Variants in PCDH15 observed in about 807,000 individuals in gnomAD.
PCDH15 encodes protocadherin-15.
In PCDH15, 129 loss-of-function variants were observed where a neutral mutation model predicts 178.5. The observed-to-expected ratio is 0.72, with a 90% confidence interval of 0.63 to 0.84. The LOEUF (loss-of-function observed/expected upper bound fraction) is 0.84, where lower values mean the gene tolerates loss of function less well. PCDH15 is among the 40% of genes least tolerant of loss of function. The pLI is 0.00. For synonymous variants in PCDH15, 800 were observed against 732.0 expected (o/e 1.09, Z -1.50); for missense variants, 2,230 against 2,099.9 (o/e 1.06, Z -1.21).
intron 3 of PCDH15, among the ~76,000 whole-genome samples, chr10:54,492,188 T>A (rs1047551476): frequency 7.9e-5 from 12 of 152,138 alleles, no homozygotes; most frequent in Admixed American, 6.6e-4. Flanking sequence ...GCTCCCTGAA[T>A]AAAAGAGGCA....
intron 3 of PCDH15, among the ~76,000 whole-genome samples, chr10:54,883,634 C>G (rs1040283250): frequency 6.6e-6 from 1 of 151,772 alleles, no homozygotes; most frequent in Non-Finnish European, 1.5e-5. Flanking sequence ...GTAATGTATA[C>G]CATATAGATT....
intron 3 of PCDH15, among the ~76,000 whole-genome samples, chr10:54,812,195 C>A (rs1388132198): frequency 6.6e-6 from 1 of 151,658 alleles, no homozygotes; most frequent in Non-Finnish European, 1.5e-5. Context: ...TCTCCCAATA[C>A]CAGCTTAAAA....
intron 1 of PCDH15, among the ~76,000 whole-genome samples, chr10:55,188,509 G>C (rs929685074): frequency 3.3e-5 from 5 of 151,652 alleles, no homozygotes; most frequent in Non-Finnish European, 7.4e-5. Flanking sequence ...AATATGTTTT[G>C]TCATTTAACA....
At chr10:55,295,453 A>T (rs1215418102) in intron 1 of PCDH15, among the ~76,000 whole-genome samples, 1 of 152,222 alleles carries the variant, frequency 6.6e-6, no homozygotes. Flanking sequence ...GATTAATAAG[A>T]ATTATTTAAG....
intron 2 of PCDH15, among the ~76,000 whole-genome samples, chr10:55,031,598 CCCTT>C (rs1474832819): frequency 6.6e-6 from 1 of 152,096 alleles, no homozygotes; most frequent in East Asian, 1.9e-4. Flanking sequence ...TTGAATATGT[CCCTT>C]CTAGAATTCA....
chr10:55,204,083 T>C (rs923374229), intron 1 of PCDH15, among the ~76,000 whole-genome samples: 7 of 149,806 alleles, frequency 4.7e-5, no homozygotes, highest in African/African-American at 7.3e-5. Flanking sequence ...ACATTATATA[T>C]AGTGCATTTA....
chr10:54,649,149 G>T (rs566764720), intron 2 of PCDH15, among the ~76,000 whole-genome samples: 15 of 152,218 alleles, frequency 9.9e-5, no homozygotes, highest in Admixed American at 8.5e-4. Flanking sequence ...ATCCACTAGC[G>T]TTATAAACAA....
intron 5 of PCDH15, among the ~76,000 whole-genome samples, chr10:54,352,571 A>C (rs1288435149): frequency 6.6e-6 from 1 of 152,180 alleles, no homozygotes. Flanking sequence ...TTATCATATA[A>C]TGATGATTTG....
chr10:54,611,638 G>C (rs767243727), intron 2 of PCDH15, among the ~76,000 whole-genome samples: 122 of 151,908 alleles, frequency 8.0e-4, no homozygotes, highest in Non-Finnish European at 1.1e-3. Flanking sequence ...CATATCTAGA[G>C]AGACAAGAAG....
chr10:54,125,710 T>C (rs1166395020), intron 15 of PCDH15, among the ~76,000 whole-genome samples: 1 of 152,122 alleles, frequency 6.6e-6, no homozygotes, highest in Non-Finnish European at 1.5e-5. Context: ...TTGTTGGGAG[T>C]ATTAAAAATG....
At chr10:54,578,892 A>G (rs1048208329) in intron 2 of PCDH15, among the ~76,000 whole-genome samples, 1 of 152,130 alleles carries the variant, frequency 6.6e-6, no homozygotes, top group East Asian at 1.9e-4. Context: ...ATATTCCTCC[A>G]AACTTAGCTT....
chr10:54,315,467 C>T (rs1313449164), intron 8 of PCDH15, among the ~76,000 whole-genome samples: 2 of 152,022 alleles, frequency 1.3e-5, no homozygotes, highest in Admixed American at 6.6e-5. Flanking sequence ...TATTTTCTCC[C>T]GTTCTGTAGG....
intron 1 of PCDH15, among the ~76,000 whole-genome samples, chr10:54,698,775 C>T (rs938784421): frequency 2.0e-5 from 3 of 152,072 alleles, no homozygotes; most frequent in Non-Finnish European, 4.4e-5. Context: ...CCAACATTTA[C>T]CTAGTGCCTT....
intron 2 of PCDH15, among the ~76,000 whole-genome samples, chr10:55,480,400 G>A (rs1340261860): frequency 2.0e-5 from 3 of 151,526 alleles, no homozygotes; most frequent in Non-Finnish European, 3.0e-5. Flanking sequence ...GCATCTTTTT[G>A]TTGAGCCAGT....
chr10:54,652,627 C>T (rs971324687), intron 2 of PCDH15, among the ~76,000 whole-genome samples: 2 of 152,092 alleles, frequency 1.3e-5, no homozygotes, highest in African/African-American at 2.4e-5. Context: ...AAGGTGAAAC[C>T]TGTAAGAAGA....
intron 1 of PCDH15, among the ~76,000 whole-genome samples, chr10:54,728,458 A>C (rs1010410291): frequency 1.3e-5 from 2 of 151,364 alleles, no homozygotes; most frequent in Non-Finnish European, 3.0e-5. Flanking sequence ...ATAGCCTTCT[A>C]TTGACTGACC....
rs558983018 is a variant in PCDH15, at chr10:53,971,842, C to G, written c.2869-9950G>C. ...TGCTCATGGATACGAAGAATCAATACCATGAAAATGGTCATACTGCCCAAG... is the reference window on the plus strand; with the variant it reads ...TGCTCATGGATACGAAGAATCAATAGCATGAAAATGGTCATACTGCCCAAG... On this transcript the variant is annotated intron_variant, in intron 21 of 37. Transcript: ENST00000644397. Among the ~76,000 whole-genome samples the G allele has an allele frequency of 1.1e-4, 16 of 152,178 alleles. No homozygotes were observed. The East Asian group carries it at 2.7e-3, about 26-fold the overall frequency.
chr10:54,391,593 A>C (rs1950552725), intron 3 of PCDH15, among the ~76,000 whole-genome samples: 1 of 152,014 alleles, frequency 6.6e-6, no homozygotes, highest in Admixed American at 6.5e-5. Flanking sequence ...TCAGGAAAAA[A>C]AAAAAACAAC....
chr10:54,595,957 A>G (rs1408336725), intron 2 of PCDH15, among the ~76,000 whole-genome samples: 1 of 152,142 alleles, frequency 6.6e-6, no homozygotes, highest in East Asian at 1.9e-4. Flanking sequence ...TCCAGGAAAT[A>G]TAGGAATATA....
Sources: gnomAD v4.1 joint callset for allele counts (sites outside exome capture counted in the v4.1 genomes callset) on GRCh38, gnomAD v4.1.1 for gene constraint, MANE v1.5 for transcripts, NCBI Gene and HGNC (gene_info 2026-07-23, HGNC 2026-07-21) for gene names.